SLX4: variants seen among roughly 807,000 people sequenced by gnomAD.
The protein encoded by SLX4 is structure-specific endonuclease subunit SLX4.
SLX4 carries 112 observed loss-of-function variants against 146.2 expected under a neutral mutation model. The observed-to-expected ratio is 0.77, with a 90% CI of 0.66 to 0.90. SLX4 has a LOEUF of 0.90. Ranked by LOEUF, SLX4 falls within the 40% of genes least tolerant of loss-of-function variation. The pLI, the probability that SLX4 is intolerant of heterozygous loss-of-function variation, is 0.00. For synonymous variants in SLX4, 1,061 were observed against 997.7 expected (o/e 1.06, Z -1.20); for missense variants, 2,563 against 2,392.7 (o/e 1.07, Z -1.49).
chr16:3,604,444 C>G (rs1396101617), intron 3 of SLX4, among the ~76,000 whole-genome samples: 1 of 152,046 alleles, frequency 6.6e-6, no homozygotes, highest in Non-Finnish European at 1.5e-5. Context: ...ATTAAGCGTG[C>G]TAATGGTATT....
At position 3,594,463 on chromosome 16, in the gene SLX4, A is replaced by G. The variant is rs1596525067; in HGVS notation, c.2150T>C (p.Leu717Pro). Residue 717 changes from leucine (L) to proline (P), a missense_variant, in exon 10 of 15, where the codon CTC (leucine) becomes CCC (proline). Transcript: ENST00000294008. The part of the protein sequence containing the change: ...KFVLYARCPL[L>P]IQYVNNEGFS... ...AGCCCACGTACTTACATACTGGATGAGGAGCGGGCATCGGGCATAAAGCAC... is the reference window on the plus strand; with the variant it reads ...AGCCCACGTACTTACATACTGGATGGGGAGCGGGCATCGGGCATAAAGCAC... 1 of 1,613,450 alleles carries G rather than the reference A, an allele frequency of 6.2e-7. No homozygotes were observed. The highest frequency in any genetic ancestry group is 8.5e-7 in the Non-Finnish European group (1 of 1,179,758).
Position 3,590,431 on chromosome 16 carries a change from G to T in SLX4, c.3207C>A (p.Gly1069=), listed in dbSNP as rs760421115. ...PRSRGGTSQV[G]SPTLLSPAVP... is the part of the protein sequence containing the mutation. ...CAGCTGGAGACAGCAAGGTTGGGGA[G>T]CCCACCTGGGAAGTTCCGCCACGGG... Residue 1069 remains glycine, a synonymous_variant, in exon 12 of 15, where the codon GGC becomes GGA. Coordinates refer to ENST00000294008, the MANE Select transcript of SLX4 (RefSeq NM_032444.4). The surrounding 1 kb of genome is among the most constrained non-coding windows in gnomAD (Gnocchi z 4.8). 1 of 1,614,192 alleles carries T rather than the reference G, an allele frequency of 6.2e-7. No individual in the cohort carries two copies. The highest frequency in any genetic ancestry group is 2.2e-5 in the East Asian group (1 of 44,876).
rs1462006668 is a variant in SLX4 at position 3,605,368 on chromosome 16, C to T, written c.760+1106G>A. On this transcript the variant is annotated intron_variant, in intron 3 of 14. Coordinates refer to ENST00000294008, the MANE Select transcript of SLX4 (RefSeq NM_032444.4). ...CCTCCCAAAGTGCTGGCATTACAGG[C>T]GTGAGCCACCACGCCTGGCCCCTAA... Among the ~76,000 whole-genome samples the T allele has an allele frequency of 3.3e-5, 5 of 152,124 alleles. No homozygotes were observed. In the South Asian group the frequency reaches 6.2e-4, roughly 19 times the overall value.
chr16:3,592,728 A>G lies in SLX4; in HGVS notation c.2298T>C (p.Leu766=), dbSNP rs754343699. Residue 766 remains leucine, a synonymous_variant, in exon 11 of 15, where the codon CTT becomes CTC. Transcript: ENST00000294008. ...YTADTGLPPG[L]SSELSSLAHR... Reference sequence around the variant, plus strand: ...GGGCCAGGGAGCTCAGCTCAGAGCTAAGGCCAGGAGGAAGGCCAGTGTCCG... The same window carrying G: ...GGGCCAGGGAGCTCAGCTCAGAGCTGAGGCCAGGAGGAAGGCCAGTGTCCG... The G allele has an allele frequency of 6.8e-6, 11 of 1,613,270 alleles. No homozygotes were observed. The highest frequency in any genetic ancestry group is 2.5e-6 in the Non-Finnish European group (3 of 1,179,992).
intron 12 of SLX4, among the ~76,000 whole-genome samples, chr16:3,587,667 A>T (rs2040523201): frequency 6.6e-6 from 1 of 152,120 alleles, no homozygotes; most frequent in South Asian, 2.1e-4. Flanking sequence ...ACTGCCTGGG[A>T]ACTGGTTAGA....
intron 11 of SLX4, 62 bp downstream of exon 11, chr16:3,592,637 C>G: frequency 6.4e-7 from 1 of 1,562,256 alleles, no homozygotes; most frequent in Non-Finnish European, 8.7e-7. Flanking sequence ...GCACAACCCT[C>G]CAGAGCTGTT....
chr16:3,603,545 G>C lies in SLX4; in HGVS notation c.761-1238C>G, dbSNP rs190871228. Among the ~76,000 whole-genome samples, 48 of 152,306 alleles carry C rather than the reference G, an allele frequency of 3.2e-4. No homozygotes were observed. In the East Asian group the frequency reaches 8.9e-3, roughly 28 times the overall value. ...AATCACTGCCTGCTGTGGACCCTGG[G>C]GTGGCCTGAGACTCCTCCGTGCTAC... On this transcript the variant is annotated intron_variant, in intron 3 of 14. Transcript: ENST00000294008.
chr16:3,610,104 G>C (rs568359419), intron 1 of SLX4, among the ~76,000 whole-genome samples: 1 of 152,302 alleles, frequency 6.6e-6, no homozygotes, highest in East Asian at 1.9e-4. Context: ...TCGTGAGCAT[G>C]GTTGTTTACT....
At chr16:3,602,927 C>T (rs1359260055) in intron 3 of SLX4, among the ~76,000 whole-genome samples, 1 of 152,138 alleles carries the variant, frequency 6.6e-6, no homozygotes, top group South Asian at 2.1e-4. Context: ...GGAGCAGACC[C>T]CTGTCACTCA....
In SLX4 at chr16:3,603,995, TGAG is replaced by T. The variant is rs1272969582; in HGVS notation, c.761-1691_761-1689del. On this transcript the variant is annotated intron_variant, in intron 3 of 14. Coordinates refer to ENST00000294008, the MANE Select transcript of SLX4 (RefSeq NM_032444.4). ...CTGTAATCCTAGCACTTTGGGAGGC[TGAG>T]GAGGGCAGATCCCCTGAGCTCAGGA... is the stretch of plus-strand genomic sequence containing the variant. 7.2e-5 allele frequency among the ~76,000 whole-genome samples: 11 copies of T among 152,152 alleles called. No homozygotes were observed. In the East Asian group the frequency reaches 2.1e-3, roughly 29 times the overall value.
Position 3,582,701 on chromosome 16 carries a change from G to A in SLX4, c.5154-8C>T. 4.4e-6 allele frequency: 7 copies of A among 1,609,096 alleles called. No homozygotes were observed. Among genetic ancestry groups the A allele is most frequent in the Non-Finnish European group, 5.1e-6 (6 of 1,179,050 alleles). On this transcript the variant is annotated splice_region_variant and splice_polypyrimidine_tract_variant and intron_variant, in intron 14 of 14. Coordinates refer to ENST00000294008, the MANE Select transcript of SLX4 (RefSeq NM_032444.4). The stretch of plus-strand genomic sequence containing the variant: ...AACTCACAGGAGGAAGAACTGAAAA[G>A]AGCCAGACCAGGACGTTGTGCAACC...
intron 13 of SLX4, 82 bp from the exon 14 acceptor site, chr16:3,583,592 T>C (rs2040470206): frequency 3.4e-6 from 5 of 1,469,792 alleles, no homozygotes; most frequent in South Asian, 1.1e-5. Context: ...CAAAGAGTGA[T>C]ACCCAATGCA....
chr16:3,583,377 G>A lies in SLX4; in HGVS notation c.4873C>T (p.His1625Tyr), dbSNP rs145527531. Residue 1625 changes from histidine (H) to tyrosine (Y), a missense_variant, in exon 14 of 15, where the codon CAC (histidine) becomes TAC (tyrosine). Coordinates refer to ENST00000294008, the MANE Select transcript of SLX4 (RefSeq NM_032444.4). ...QSSQPLLQAP[H>Y]CQTLASQTYK... ...GTCTGGGAGGCGAGGGTCTGGCAGT[G>A]AGGCGCCTGCAACAGCGGCTGTGAG... 1.6e-5 allele frequency: 26 copies of A among 1,613,066 alleles called. No individual in the cohort carries two copies. In the East Asian group the frequency reaches 5.1e-4, roughly 32 times the overall value.
chr16:3,590,498 C>A lies in SLX4; in HGVS notation c.3140G>T (p.Gly1047Val). Residue 1047 changes from glycine (G) to valine (V), a missense_variant, in exon 12 of 15, where the codon GGG becomes GTG. Gly to Val is a moderately radical substitution (Grantham distance 109). Transcript: ENST00000294008. This position sits in a 1 kb window ranked among gnomAD's most constrained non-coding sequence, Gnocchi z 4.8. Reference protein sequence around the residue: ...LGPPQGGSPRGSHHTSGSSLS... With the variant: ...LGPPQGGSPRVSHHTSGSSLS... Reference sequence around the variant, plus strand: ...GGACGACCCACTTGTGTGATGAGACCCGCGGGGACTCCCGCCCTGGGGAGG... The same window carrying A: ...GGACGACCCACTTGTGTGATGAGACACGCGGGGACTCCCGCCCTGGGGAGG... 3 of 1,613,792 alleles carry A rather than the reference C, an allele frequency of 1.9e-6. No individual in the cohort carries two copies. The highest frequency in any genetic ancestry group is 8.5e-7 in the Non-Finnish European group (1 of 1,179,754).
At chr16:3,605,234 C>T (rs2040769755) in intron 3 of SLX4, among the ~76,000 whole-genome samples, 1 of 152,272 alleles carries the variant, frequency 6.6e-6, no homozygotes, top group Non-Finnish European at 1.5e-5. Context: ...GGACTACAGG[C>T]ACCCACCACC....
chr16:3,603,916 A>G (rs1437686051), intron 3 of SLX4, among the ~76,000 whole-genome samples: 1 of 152,240 alleles, frequency 6.6e-6, no homozygotes, highest in Non-Finnish European at 1.5e-5. Context: ...TAATACAATT[A>G]GCCTAGCCTC....
At chr16:3,607,351 GTTA>G (rs1278447975) in intron 2 of SLX4, among the ~76,000 whole-genome samples, 1 of 152,180 alleles carries the variant, frequency 6.6e-6, no homozygotes, top group Non-Finnish European at 1.5e-5. Context: ...CTACTGAGAG[GTTA>G]TTAAGATCAG....
At position 3,597,649 on chromosome 16, in the gene SLX4, C is replaced by T. The variant is rs2040678372; in HGVS notation, c.1413G>A (p.Leu471=). Reference sequence around the variant, plus strand: ...CTGTGGTTTCAGAGTCCTGGACTAACAACAATGGGGGGGATACCGGGGGTT... The same window carrying T: ...CTGTGGTTTCAGAGTCCTGGACTAATAACAATGGGGGGGATACCGGGGGTT... ...KKKPPVSPPL[L]LVQDSETTGR... The change falls in exon 7 of 15, where the codon TTG becomes TTA. Residue 471 remains leucine, a synonymous_variant. Transcript: ENST00000294008. The surrounding 1 kb of genome is among the most constrained non-coding windows in gnomAD (Gnocchi z 4.4). 1 of 1,613,878 alleles carries T rather than the reference C, an allele frequency of 6.2e-7. No individual in the cohort carries two copies. Among genetic ancestry groups the T allele is most frequent in the South Asian group, 1.1e-5 (1 of 91,084 alleles).
In SLX4 at chr16:3,589,687, C is replaced by G. The variant is rs147600630; in HGVS notation, c.3951G>C (p.Pro1317=). 1 of 1,613,832 alleles carries G rather than the reference C, an allele frequency of 6.2e-7. No individual in the cohort carries two copies. The highest frequency in any genetic ancestry group is 8.5e-7 in the Non-Finnish European group (1 of 1,179,952). The change falls in exon 12 of 15, where the codon CCG becomes CCC. Residue 1317 remains proline, a synonymous_variant. Coordinates refer to ENST00000294008, the MANE Select transcript of SLX4 (RefSeq NM_032444.4). The surrounding 1 kb of genome is among the most constrained non-coding windows in gnomAD (Gnocchi z 6.2). ...KFSVIRPQTP[P]PQTPSSCLTP... is the part of the protein sequence containing the mutation. Reference sequence around the variant, plus strand: ...TGAGGCATGAGGACGGTGTCTGGGGCGGTGGTGTCTGGGGCCTGATGACAG... The same window carrying G: ...TGAGGCATGAGGACGGTGTCTGGGGGGGTGGTGTCTGGGGCCTGATGACAG...
Sources: allele counts gnomAD v4.1 joint callset (sites outside exome capture counted in the v4.1 genomes callset), GRCh38; gene constraint gnomAD v4.1.1; non-coding constraint Gnocchi (gnomAD v3.1); transcripts MANE v1.5; gene names NCBI Gene and HGNC (gene_info 2026-07-23, HGNC 2026-07-21).